The following ZNF131 variants were observed in gnomAD, a reference collection of about 807,000 sequenced individuals.
ZNF131 encodes the protein zinc finger and BTB domain containing 35.
A neutral mutation model predicts 60.0 loss-of-function variants in ZNF131; 7 were observed. The observed-to-expected ratio is 0.12, with a 90% CI of 0.07 to 0.22. The LOEUF (loss-of-function observed/expected upper bound fraction) is 0.22. Ranked by LOEUF, ZNF131 falls within the 10% of genes least tolerant of loss-of-function variation. The probability of loss-of-function intolerance (pLI) is 1.00; values close to 1 mark genes in which losing one functional copy is unlikely to be tolerated. For synonymous variants in ZNF131, 257 were observed against 253.2 expected, an observed-to-expected ratio of 1.01 and a Z score of -0.14; for missense variants, 493 against 740.9, an observed-to-expected ratio of 0.67 and a Z score of 3.88.
chr5:43,149,432 G>T (rs1373704552), intron 4 of ZNF131, among the ~76,000 whole-genome samples: 4 of 152,194 alleles, frequency 2.6e-5, no homozygotes, highest in Non-Finnish European at 5.9e-5. Flanking sequence ...ACCATTTGTT[G>T]ATTCACCTGT....
At chr5:43,122,246 CTTTTTTTTTT>C (rs35497367) in intron 2 of ZNF131, 69 bp downstream of exon 2, 83 of 1,032,122 alleles carry the variant, frequency 8.0e-5, no homozygotes, top group Non-Finnish European at 1.0e-4. Flanking sequence ...GGACACCCGC[CTTTTTTTTTT>C]TTTTTTTTTT....
intron 4 of ZNF131, among the ~76,000 whole-genome samples, chr5:43,160,373 A>G (rs1749531698): frequency 6.6e-6 from 1 of 150,412 alleles, no homozygotes; most frequent in African/African-American, 2.5e-5. Context: ...GATGGCACGC[A>G]TCTATAGTCC....
At chr5:43,132,022 GT>G (rs1262698016) in intron 3 of ZNF131, among the ~76,000 whole-genome samples, 8 of 152,290 alleles carry the variant, frequency 5.3e-5, no homozygotes, top group African/African-American at 1.9e-4. Context: ...AATTAAGTGA[GT>G]TAATGCTTGT....
chr5:43,163,244 C>T (rs917835404), intron 5 of ZNF131, among the ~76,000 whole-genome samples: 1 of 152,156 alleles, frequency 6.6e-6, no homozygotes, highest in Non-Finnish European at 1.5e-5. Context: ...TCCCAAAGTG[C>T]TGGGATTACA....
chr5:43,159,584 A>G (rs1579859147), intron 4 of ZNF131, among the ~76,000 whole-genome samples: 1 of 151,450 alleles, frequency 6.6e-6, no homozygotes, highest in African/African-American at 2.4e-5. Flanking sequence ...AATCCCAGCT[A>G]CTCAGGAGGC....
intron 4 of ZNF131, among the ~76,000 whole-genome samples, chr5:43,158,314 A>C (rs567599584): frequency 6.7e-6 from 1 of 149,114 alleles, no homozygotes; most frequent in East Asian, 2.0e-4. Flanking sequence ...TTTTTGAGAC[A>C]GTTTCACTCT....
intron 3 of ZNF131, among the ~76,000 whole-genome samples, chr5:43,126,833 A>G (rs1210495537): frequency 1.3e-5 from 2 of 152,142 alleles, no homozygotes; most frequent in African/African-American, 2.4e-5. Flanking sequence ...CTGAGAGAGA[A>G]GAAAAATTAC....
At chr5:43,151,807 A>G (rs1748348152) in intron 4 of ZNF131, among the ~76,000 whole-genome samples, 1 of 152,198 alleles carries the variant, frequency 6.6e-6, no homozygotes, top group Non-Finnish European at 1.5e-5. Flanking sequence ...CCAGGGGCAC[A>G]TAGGAACCCT....
chr5:43,137,259 G>T (rs555183194), intron 3 of ZNF131, among the ~76,000 whole-genome samples: 72 of 152,008 alleles, frequency 4.7e-4, no homozygotes, highest in Non-Finnish European at 9.6e-4. Flanking sequence ...ACAACTGAGT[G>T]AAAAGGAAAT....
intron 1 of ZNF131, 116 bp from the exon 2 acceptor site, chr5:43,121,923 C>T (rs1743890897): frequency 8.6e-7 from 1 of 1,167,014 alleles, no homozygotes. Flanking sequence ...CCTCTTGCTT[C>T]ACCCTCCCCC....
At chr5:43,127,952 G>A (rs1744761353) in intron 3 of ZNF131, among the ~76,000 whole-genome samples, 1 of 152,142 alleles carries the variant, frequency 6.6e-6, no homozygotes, top group Non-Finnish European at 1.5e-5. Context: ...AGAAATTTTA[G>A]CCCCTACTAT....
chr5:43,160,700 T>TTTTTTTTTTTTTA (rs869049426), intron 4 of ZNF131, among the ~76,000 whole-genome samples: 1 of 113,886 alleles, frequency 8.8e-6, no homozygotes. Context: ...TTTTTTTTTT[T>TTTTTTTTTTTTTA]GAGACAGAGT....
intron 3 of ZNF131, among the ~76,000 whole-genome samples, chr5:43,133,622 T>C (rs1745648864): frequency 6.6e-6 from 1 of 152,222 alleles, no homozygotes; most frequent in Admixed American, 6.5e-5. Context: ...TGTCCATGAA[T>C]TGTCATTATC....
intron 3 of ZNF131, chr5:43,124,283 TA>T (rs1254926305): frequency 6.6e-6 from 1 of 152,196 alleles, no homozygotes; most frequent in East Asian, 1.9e-4. Context: ...CATCAAAATC[TA>T]AAACAGCAGG....
Position 43,123,307 on chromosome 5 carries a change from G to A in ZNF131, c.223G>A (p.Glu75Lys), listed in dbSNP as rs1262353812. 3 of 1,590,938 alleles carry A rather than the reference G, an allele frequency of 1.9e-6. No individual in the cohort carries two copies. Among genetic ancestry groups the A allele is most frequent in the Non-Finnish European group, 2.6e-6 (3 of 1,172,916 alleles). Reference protein sequence around the residue: ...EFTQEPLVEIEGVSKMAFRHL... With the variant: ...EFTQEPLVEIKGVSKMAFRHL... ...TACCCAAGAACCATTGGTGGAGATAGAAGGTAAATGATTCTTGTTGTTTTT... is the reference window on the plus strand; with the variant it reads ...TACCCAAGAACCATTGGTGGAGATAAAAGGTAAATGATTCTTGTTGTTTTT... Residue 75 changes from glutamate to lysine, a missense_variant, in exon 3 of 7, where the codon GAA (glutamate) becomes AAA (lysine). Glu to Lys is a moderately conservative substitution (Grantham distance 56). This residue lies in a region of ZNF131 where 66 missense variants were observed against 148.0 expected (regional missense o/e 0.45). Transcript: ENST00000682664.
At chr5:43,142,306 C>T (rs981209537) in intron 4 of ZNF131, among the ~76,000 whole-genome samples, 2 of 145,706 alleles carry the variant, frequency 1.4e-5, no homozygotes, top group Non-Finnish European at 3.0e-5. Context: ...CATGCCACTG[C>T]ACTCCAGCCT....
At chr5:43,135,609 T>A (rs1745981929) in intron 3 of ZNF131, among the ~76,000 whole-genome samples, 1 of 151,896 alleles carries the variant, frequency 6.6e-6, no homozygotes, top group African/African-American at 2.4e-5. Context: ...AAAAATTAGC[T>A]GGTTATGGTG....
intron 3 of ZNF131, among the ~76,000 whole-genome samples, chr5:43,136,277 A>G (rs1746072332): frequency 6.6e-6 from 1 of 152,208 alleles, no homozygotes; most frequent in Admixed American, 6.5e-5. Context: ...TTGTGATCCC[A>G]AGCTTTTCAT....
Position 43,174,571 on chromosome 5 carries a change from G to A in ZNF131, c.1310G>A (p.Arg437Lys). The A allele has an allele frequency of 6.2e-7, 1 of 1,611,098 alleles. No individual in the cohort carries two copies. Among genetic ancestry groups the A allele is most frequent in the South Asian group, 1.1e-5 (1 of 90,514 alleles). ...TTTATGCAAGGAAATGAATTAAGGA[G>A]GCATCTCAGTGATGCTCACAATATT... ...LWFMQGNELR[R>K]HLSDAHNISE... is the part of the protein sequence containing the mutation. The change falls in exon 7 of 7, where the codon AGG becomes AAG. Residue 437 changes from arginine to lysine, a missense_variant. Physicochemically the swap from Arg to Lys is conservative, Grantham distance 26. This residue lies in a region of ZNF131 where 33 missense variants were observed against 67.9 expected (regional missense o/e 0.49). Coordinates refer to ENST00000682664, the MANE Select transcript of ZNF131 (RefSeq NM_001330707.2).
Sources: gnomAD v4.1 joint callset for allele counts (sites outside exome capture counted in the v4.1 genomes callset) on GRCh38, gnomAD v4.1.1 for gene constraint, gnomAD v4.1.1 regional missense constraint, MANE v1.5 for transcripts, NCBI Gene and HGNC (gene_info 2026-07-23, HGNC 2026-07-21) for gene names.